The following ABHD5 variants were observed in gnomAD, a reference collection of about 807,000 sequenced individuals.
ABHD5 encodes the protein 1-acylglycerol-3-phosphate O-acyltransferase ABHD5.
Under a neutral mutation model 44.9 loss-of-function variants are expected in ABHD5, and 30 were observed. The ratio of observed to expected loss-of-function variants is 0.67; its 90% confidence interval spans 0.50 to 0.91. ABHD5 has a LOEUF of 0.91. Among genes scored for constraint, ABHD5 ranks in the 40% least tolerant of loss-of-function variants. ABHD5 has a pLI of 0.00. For missense variants in ABHD5, 399 were observed against 423.4 expected, an observed-to-expected ratio of 0.94 and a Z score of 0.50; for synonymous variants, 167 against 147.0, an observed-to-expected ratio of 1.14 and a Z score of -0.99.
chr3:43,704,828 G>A (rs2149597797), intron 3 of ABHD5, among the ~76,000 whole-genome samples: 1 of 152,348 alleles, frequency 6.6e-6, no homozygotes, highest in East Asian at 1.9e-4. Context: ...TAAAACTAGA[G>A]TACTGTCTCA....
At chr3:43,695,275 T>G (rs1389619815) in intron 1 of ABHD5, 3 of 152,252 alleles carry the variant, frequency 2.0e-5, no homozygotes, top group Non-Finnish European at 4.4e-5. Flanking sequence ...TAGTCATTGG[T>G]TGAGGAAGTA....
chr3:43,699,133 T>A (rs1362808470), intron 1 of ABHD5, 143 bp from the exon 2 acceptor site: 9 of 736,380 alleles, frequency 1.2e-5, no homozygotes, highest in African/African-American at 5.2e-5. Context: ...GCTTTGTGCA[T>A]GTTAGGTCAC....
Position 43,722,446 on chromosome 3 carries a change from G to A in ABHD5, c.*3914G>A, listed in dbSNP as rs1180088773. 6.6e-6 allele frequency: 1 copy of A among 152,124 alleles called. No individual in the cohort carries two copies. Among genetic ancestry groups the A allele is most frequent in the East Asian group, 1.9e-4 (1 of 5,200 alleles). The allele number at this position is 152,124 out of a possible 1,614,324, so 9.4% of individuals were successfully genotyped here. A position where few individuals can be genotyped will look rare whatever the true frequency, so the allele number is the denominator to read the frequency against. On this transcript the variant is annotated 3_prime_UTR_variant, in exon 7 of 7. Transcript: ENST00000644371. ...TAGTTATACCAATAACTAATAAAAT[G>A]ATCTCCTTGTTAGTGGTGGTAGGGA...
intron 2 of ABHD5, among the ~76,000 whole-genome samples, chr3:43,700,293 C>G (rs1429436016): frequency 6.6e-6 from 1 of 151,974 alleles, no homozygotes; most frequent in Non-Finnish European, 1.5e-5. Flanking sequence ...TAAAATTTAC[C>G]CAAACTTGTA....
At position 43,713,555 on chromosome 3, in the gene ABHD5, A is replaced by G. The variant is rs139793730; in HGVS notation, c.662-1392A>G. 9.9e-4 allele frequency among the ~76,000 whole-genome samples: 150 copies of G among 152,014 alleles called. 2 individuals are homozygous for G. In the East Asian group the frequency reaches 0.026, roughly 27 times the overall value. On this transcript the variant is annotated intron_variant, in intron 4 of 6. Transcript: ENST00000644371. ...GACTTAGAGGAGGATATGGGGGTTG[A>G]ATTGGTGACCACACTTTATTGCTTC... is the stretch of plus-strand genomic sequence containing the variant.
In ABHD5 at chr3:43,690,969, C is replaced by G; in HGVS notation, c.-24C>G. On this transcript the variant is annotated 5_prime_UTR_variant, in exon 1 of 7. Coordinates refer to ENST00000644371, the MANE Select transcript of ABHD5 (RefSeq NM_016006.6). ...CCTGTCAGCCGGCTTCGAGATAAGT[C>G]CCGGCGCTTGCGCGGCGGCGGCTAT... 1 of 1,567,608 alleles carries G rather than the reference C, an allele frequency of 6.4e-7. No individual in the cohort carries two copies. The highest frequency in any genetic ancestry group is 8.6e-7 in the Non-Finnish European group (1 of 1,160,956).
chr3:43,722,524 G>A lies in ABHD5; in HGVS notation c.*3992G>A, dbSNP rs1345011303. 6.6e-6 allele frequency: 1 copy of A among 152,078 alleles called. No homozygotes were observed. Among genetic ancestry groups the A allele is most frequent in the Admixed American group, 6.6e-5 (1 of 15,266 alleles). 9.4% of individuals were successfully genotyped at this position (152,078 alleles called of 1,614,324 possible). The stretch of plus-strand genomic sequence containing the variant: ...TATCTTACATACCTTTTATTTTGAG[G>A]CCCTGTCAATGTTTTATATAATAAA... On this transcript the variant is annotated 3_prime_UTR_variant, in exon 7 of 7. Transcript: ENST00000644371.
chr3:43,715,085 CTGTGTG>C lies in ABHD5; in HGVS notation c.773+57_773+62del, dbSNP rs10662733. The C allele has an allele frequency of 2.9e-3, 2,454 of 845,640 alleles. 1 individual carries two copies. The Admixed American group carries it at 0.037, about 13-fold the overall frequency. The allele number at this position is 845,640 out of a possible 1,614,324, so 52.4% of individuals were successfully genotyped here. On this transcript the variant is annotated intron_variant, in intron 5 of 6. Coordinates refer to ENST00000644371, the MANE Select transcript of ABHD5 (RefSeq NM_016006.6). ...TGAGGGTTAGGATTCTCAATTCACT[CTGTGTG>C]TGTGTGTGTGTGTGTGTGTGTGTGT...
intron 5 of ABHD5, among the ~76,000 whole-genome samples, chr3:43,715,928 T>C (rs1007651147): frequency 3.3e-5 from 5 of 152,170 alleles, no homozygotes; most frequent in Non-Finnish European, 5.9e-5. Flanking sequence ...TGAACAACTC[T>C]AAAGATCTGT....
rs566061103 is a variant in ABHD5, at chr3:43,721,518, G to A, written c.*2986G>A. The A allele has an allele frequency of 1.3e-5, 2 of 149,646 alleles. No individual in the cohort carries two copies. The highest frequency in any genetic ancestry group is 2.5e-5 in the African/African-American group (1 of 40,516). 9.3% of individuals were successfully genotyped at this position (149,646 alleles called of 1,614,324 possible). ...GAGGCAGAAGGACTGCTTGAGACCA[G>A]GAATTCAAAACCAACCTGGGCAACC... is the stretch of plus-strand genomic sequence containing the variant. On this transcript the variant is annotated 3_prime_UTR_variant, in exon 7 of 7. Coordinates refer to ENST00000644371, the MANE Select transcript of ABHD5 (RefSeq NM_016006.6).
chr3:43,706,311 CTT>C (rs1232827707), intron 3 of ABHD5, among the ~76,000 whole-genome samples: 1 of 152,152 alleles, frequency 6.6e-6, no homozygotes, highest in Non-Finnish European at 1.5e-5. Flanking sequence ...TCAAATGAAT[CTT>C]TGAGTTTCAG....
chr3:43,704,238 C>A (rs541528178), intron 3 of ABHD5, among the ~76,000 whole-genome samples: 15 of 152,132 alleles, frequency 9.9e-5, no homozygotes, highest in African/African-American at 3.4e-4. Context: ...AGGGTTTCAC[C>A]ATGTTGGCCA....
intron 7 of ABHD5, among the ~76,000 whole-genome samples, chr3:43,731,182 A>G (rs1271715376): frequency 6.6e-6 from 1 of 152,156 alleles, no homozygotes; most frequent in Admixed American, 6.5e-5. Flanking sequence ...GTGAGCAACA[A>G]TAGTGGGAGA....
Position 43,711,754 on chromosome 3 carries a change from A to G in ABHD5, c.552A>G (p.Arg184=), listed in dbSNP as rs1397584064. The part of the protein sequence containing the change: ...ILVEPWGFPE[R]PDLADQDRPI... ...TGGAGCCTTGGGGTTTCCCTGAACG[A>G]CCAGACCTTGCTGATCAAGACAGAC... The change falls in exon 4 of 7, where the codon CGA becomes CGG. Residue 184 remains arginine (R), a synonymous_variant. Transcript: ENST00000644371. 1 of 1,614,186 alleles carries G rather than the reference A, an allele frequency of 6.2e-7. No individual in the cohort carries two copies. Among genetic ancestry groups the G allele is most frequent in the Admixed American group, 1.7e-5 (1 of 60,024 alleles).
chr3:43,699,373 T>C lies in ABHD5; in HGVS notation c.133+12T>C. ...GAAGATGTTAAAATGTAAGGCTTTC[T>C]TCTTGTAAGTTAAATGAGCTGTGTA... On this transcript the variant is annotated intron_variant, in intron 2 of 6. Transcript: ENST00000644371. 2 of 1,601,728 alleles carry C rather than the reference T, an allele frequency of 1.2e-6. No homozygotes were observed. The highest frequency in any genetic ancestry group is 1.7e-6 in the Non-Finnish European group (2 of 1,168,938).
chr3:43,714,882 T>C, intron 4 of ABHD5, 65 bp from the exon 5 acceptor site: 1 of 1,134,616 alleles, frequency 8.8e-7, no homozygotes, highest in Non-Finnish European at 1.3e-6. Flanking sequence ...AAACTTTCTA[T>C]ATTATTTAGT....
At chr3:43,703,063 C>T (rs1015731618) in intron 3 of ABHD5, among the ~76,000 whole-genome samples, 2 of 152,128 alleles carry the variant, frequency 1.3e-5, no homozygotes, top group Non-Finnish European at 2.9e-5. Flanking sequence ...GAAAATACAA[C>T]TTCATAGCAT....
intron 1 of ABHD5, among the ~76,000 whole-genome samples, chr3:43,694,691 G>A (rs2084448773): frequency 6.6e-6 from 1 of 151,756 alleles, no homozygotes; most frequent in Admixed American, 6.6e-5. Flanking sequence ...CTACCAATCT[G>A]AGTCTTTAAA....
At chr3:43,691,807 T>C (rs994945955) in intron 1 of ABHD5, among the ~76,000 whole-genome samples, 1 of 152,322 alleles carries the variant, frequency 6.6e-6, no homozygotes, top group East Asian at 1.9e-4. Context: ...CTGTCCCTTA[T>C]TTGTTTGCGC....
Sources: gnomAD v4.1 joint callset for allele counts (sites outside exome capture counted in the v4.1 genomes callset) on GRCh38, gnomAD v4.1.1 for gene constraint, MANE v1.5 for transcripts, NCBI Gene and HGNC (gene_info 2026-07-23, HGNC 2026-07-21) for gene names.